The following TCF4 variants were observed in gnomAD, a reference collection of about 807,000 sequenced individuals.
TCF4 encodes SL3-3 enhancer factor 2.
Under a neutral mutation model 82.1 loss-of-function variants are expected in TCF4, and 3 were observed. The observed-to-expected ratio is 0.04, with a 90% CI of 0.02 to 0.09. The LOEUF is 0.09. TCF4 is among the 10% of genes least tolerant of loss of function. TCF4 has a pLI of 1.00. For missense variants in TCF4, 518 were observed against 852.7 expected (o/e 0.61, Z 4.89); for synonymous variants, 276 against 309.6 (o/e 0.89, Z 1.14).
At chr18:55,592,193 C>T (rs1406289770), upstream of TCF4, among the ~76,000 whole-genome samples, 2 of 152,146 alleles carry the variant, frequency 1.3e-5, no homozygotes, top group Admixed American at 1.3e-4. Context: ...TTTGCAGACT[C>T]CCTTGCCTAG....
intron 2 of TCF4, among the ~76,000 whole-genome samples, chr18:55,610,598 T>C (rs1397527560): frequency 6.6e-6 from 1 of 152,180 alleles, no homozygotes; most frequent in East Asian, 1.9e-4. Context: ...TGTTTTTCCA[T>C]TGATTCCAAA....
At chr18:55,244,589 A>T (rs2052445577) in intron 15 of TCF4, among the ~76,000 whole-genome samples, 1 of 152,202 alleles carries the variant, frequency 6.6e-6, no homozygotes, top group African/African-American at 2.4e-5. Context: ...TTTTTCTTCT[A>T]ATAGGAAGTG....
At chr18:55,487,662 T>C (rs776515833) in intron 3 of TCF4, among the ~76,000 whole-genome samples, 1 of 152,184 alleles carries the variant, frequency 6.6e-6, no homozygotes, top group African/African-American at 2.4e-5. Context: ...AGAGATTCCA[T>C]TGTATGCTTT....
chr18:55,612,544 TG>T (rs1224933826), intron 2 of TCF4, among the ~76,000 whole-genome samples: 1 of 151,714 alleles, frequency 6.6e-6, no homozygotes, highest in Non-Finnish European at 1.5e-5. Context: ...ATTGTTGTAA[TG>T]AAAAAAAAAC....
Position 55,391,658 on chromosome 18 carries a change from C to T in TCF4, c.369+11796G>A, listed in dbSNP as rs189646140. Among the ~76,000 whole-genome samples, 8 of 152,068 alleles carry T rather than the reference C, an allele frequency of 5.3e-5. No individual in the cohort carries two copies. In the East Asian group the frequency reaches 7.8e-4, roughly 15 times the overall value. On this transcript the variant is annotated intron_variant, in intron 6 of 19. Transcript: ENST00000354452. ...CAAAAAAGAAGAACATTCTGCCAGG[C>T]GCGGTGGTTCATGCCTGTAATCCCA...
At chr18:55,389,990 A>G (rs1294734819) in intron 6 of TCF4, among the ~76,000 whole-genome samples, 1 of 152,216 alleles carries the variant, frequency 6.6e-6, no homozygotes, top group Non-Finnish European at 1.5e-5. Context: ...CACAGATGGA[A>G]GAACTAATCC....
intron 3 of TCF4, among the ~76,000 whole-genome samples, chr18:55,509,807 AAG>A (rs944073620): frequency 4.6e-5 from 7 of 152,172 alleles, no homozygotes; most frequent in African/African-American, 1.7e-4. Flanking sequence ...AATAAAGGGA[AAG>A]GGGCGGGGGG....
At chr18:55,350,257 C>A in intron 8 of TCF4, 102 bp downstream of exon 8, 2 of 1,241,072 alleles carry the variant, frequency 1.6e-6, no homozygotes, top group Admixed American at 1.7e-5. Flanking sequence ...GATAAACGTG[C>A]TGCTCTGGGC....
rs1015146600 is a variant in TCF4, at chr18:55,540,661, G to T, written c.145+44619C>A. Reference sequence around the variant, plus strand: ...TCATAGAATTAGGCAGTTTTATTCAGTTAACAAATATTAAGTCCCTACTCC... The same window carrying T: ...TCATAGAATTAGGCAGTTTTATTCATTTAACAAATATTAAGTCCCTACTCC... On this transcript the variant is annotated intron_variant, in intron 3 of 19. Coordinates refer to ENST00000354452, the MANE Select transcript of TCF4 (RefSeq NM_001083962.2). Among the ~76,000 whole-genome samples, 3 of 151,968 alleles carry T rather than the reference G, an allele frequency of 2.0e-5. No individual in the cohort carries two copies. The South Asian group carries it at 6.2e-4, about 31-fold the overall frequency.
At chr18:55,294,378 T>A (rs1239362263) in intron 8 of TCF4, among the ~76,000 whole-genome samples, 1 of 152,078 alleles carries the variant, frequency 6.6e-6, no homozygotes, top group Non-Finnish European at 1.5e-5. Flanking sequence ...TTAGAGCACA[T>A]CCAATACAAT....
intron 6 of TCF4, among the ~76,000 whole-genome samples, chr18:55,398,552 G>A (rs915477136): frequency 3.3e-5 from 5 of 152,148 alleles, no homozygotes; most frequent in African/African-American, 1.2e-4. Flanking sequence ...TCTCTCCACG[G>A]TATGACTTTG....
intron 8 of TCF4, among the ~76,000 whole-genome samples, chr18:55,295,844 C>T (rs1272766168): frequency 1.3e-5 from 2 of 152,164 alleles, no homozygotes; most frequent in African/African-American, 4.8e-5. Context: ...TCCCATTCAT[C>T]CTTGCACTTC....
intron 3 of TCF4, among the ~76,000 whole-genome samples, chr18:55,558,194 G>C (rs1000029380): frequency 2.0e-5 from 3 of 152,064 alleles, no homozygotes; most frequent in Non-Finnish European, 4.4e-5. Context: ...TCTGGCAACA[G>C]GGTGAGACTG....
intron 5 of TCF4, among the ~76,000 whole-genome samples, chr18:55,410,788 A>G (rs1351703741): frequency 6.6e-6 from 1 of 152,138 alleles, no homozygotes. Context: ...TTTAAACTCA[A>G]TTCATAAAGT....
intron 8 of TCF4, among the ~76,000 whole-genome samples, chr18:55,336,151 T>C (rs2078584419): frequency 6.6e-6 from 1 of 152,106 alleles, no homozygotes; most frequent in African/African-American, 2.4e-5. Flanking sequence ...TTCAGAGATC[T>C]CAATTCTAAT....
chr18:55,277,718 C>A (rs2061734926), intron 9 of TCF4, among the ~76,000 whole-genome samples: 2 of 151,594 alleles, frequency 1.3e-5, no homozygotes, highest in African/African-American at 4.9e-5. Context: ...TACCTGGCCT[C>A]TCCTGCAATG....
intron 8 of TCF4, among the ~76,000 whole-genome samples, chr18:55,286,972 A>T (rs1419935882): frequency 6.6e-6 from 1 of 152,214 alleles, no homozygotes; most frequent in Non-Finnish European, 1.5e-5. Flanking sequence ...TTCTATCTAA[A>T]TCAGTTGGAG....
rs531226202 is a variant in TCF4 at position 55,468,072 on chromosome 18, ACT to A, written c.146-3937_146-3936del. 7.7e-4 allele frequency among the ~76,000 whole-genome samples: 118 copies of A among 152,258 alleles called. 1 individual carries two copies. Among genetic ancestry groups the A allele is most frequent in the African/African-American group, 2.5e-3 (105 of 41,548 alleles). On this transcript the variant is annotated intron_variant, in intron 3 of 19. Transcript: ENST00000354452. ...AACCAGCTGAACGTTCCCTCCTGTC[ACT>A]TCTCCCCACGCAGAGTGAATATATT...
At position 55,444,776 on chromosome 18, in the gene TCF4, G is replaced by C. The variant is rs556637676; in HGVS notation, c.304+16243C>G. ...AGAATCACAAATCTGTCCACCCACA[G>C]ACATGTCAAAAATTCATTATTTCCA... is the stretch of plus-strand genomic sequence containing the variant. On this transcript the variant is annotated intron_variant, in intron 5 of 19. Transcript: ENST00000354452. Among the ~76,000 whole-genome samples the C allele has an allele frequency of 2.0e-5, 3 of 152,218 alleles. No homozygotes were observed. In the East Asian group the frequency reaches 5.8e-4, roughly 29 times the overall value.
Sources: gnomAD v4.1 joint callset for allele counts (sites outside exome capture counted in the v4.1 genomes callset) on GRCh38, gnomAD v4.1.1 for gene constraint, MANE v1.5 for transcripts, NCBI Gene and HGNC (gene_info 2026-07-23, HGNC 2026-07-21) for gene names.